The following KLRG1 variants were observed in gnomAD, a reference collection of about 807,000 sequenced individuals.
The protein encoded by KLRG1 is killer cell lectin-like receptor subfamily G member 1.
KLRG1 carries 16 observed loss-of-function variants against 21.8 expected under a neutral mutation model. That is an observed-to-expected ratio of 0.73 (90% confidence interval 0.50 to 1.11). The LOEUF (loss-of-function observed/expected upper bound fraction) is 1.11. KLRG1 is among the 50% of genes most tolerant of loss of function. The pLI is 0.00. For synonymous variants in KLRG1, 69 were observed against 75.9 expected, an observed-to-expected ratio of 0.91 and a Z score of 0.47; for missense variants, 173 against 218.3, an observed-to-expected ratio of 0.79 and a Z score of 1.31.
chr12:9,197,346 T>A, the KLRG1 span, among the ~76,000 whole-genome samples: 2 of 144,814 alleles, frequency 1.4e-5, no homozygotes, highest in South Asian at 2.1e-4. Context: ...TGGGATTGAA[T>A]ATATATATTT....
chr12:9,030,597 G>A, the KLRG1 span, among the ~76,000 whole-genome samples: 5 of 152,114 alleles, frequency 3.3e-5, no homozygotes, highest in Admixed American at 6.5e-5. Context: ...TAGTAGAGAC[G>A]GGGTTTCACT....
the KLRG1 span, among the ~76,000 whole-genome samples, chr12:9,147,943 AT>A: frequency 6.6e-6 from 1 of 151,746 alleles, no homozygotes; most frequent in African/African-American, 2.4e-5. Context: ...CCCACACTAC[AT>A]TTATCCCTGT....
the KLRG1 span, among the ~76,000 whole-genome samples, chr12:9,151,074 T>G: frequency 2.6e-5 from 4 of 152,200 alleles, no homozygotes; most frequent in Non-Finnish European, 5.9e-5. Flanking sequence ...CAACGAAGTA[T>G]TCTTTCTGTT....
chr12:9,127,765 G>A, the KLRG1 span: 3 of 174,850 alleles, frequency 1.7e-5, no homozygotes, highest in African/African-American at 7.2e-5. Flanking sequence ...AGATCACCAC[G>A]CAGAACATCC....
At chr12:9,008,948 T>C in intron 3 of KLRG1, 27 bp from the exon 4 acceptor site, 1 of 1,495,694 alleles carries the variant, frequency 6.7e-7, no homozygotes. Flanking sequence ...ACTAGGTCCC[T>C]TTTTTGGTTT....
At chr12:9,069,712 GT>G in the KLRG1 span, 5 of 1,564,868 alleles carry the variant, frequency 3.2e-6, no homozygotes, top group East Asian at 2.3e-5. Flanking sequence ...TATTATCTAC[GT>G]TTTTTTGCAA....
intron 3 of KLRG1, among the ~76,000 whole-genome samples, chr12:8,997,065 G>A (rs1947153873): frequency 6.6e-6 from 1 of 152,170 alleles, no homozygotes; most frequent in South Asian, 2.1e-4. Context: ...TTTCTCTGAG[G>A]AACCCAGAGG....
chr12:9,009,807 A>C lies in KLRG1; in HGVS notation c.*270A>C, dbSNP rs568393445. ...TTGTTTTTTGTATTTCTCAGTATGG[A>C]AACTAATGCTGCCACTCTCATCCCC... On this transcript the variant is annotated 3_prime_UTR_variant, in exon 5 of 5. Coordinates refer to ENST00000356986, the MANE Select transcript of KLRG1 (RefSeq NM_005810.4). The C allele has an allele frequency of 6.3e-6, 9 of 1,424,406 alleles. No individual in the cohort carries two copies. The African/African-American group carries it at 1.3e-4, about 21-fold the overall frequency. The allele number at this position is 1,424,406 out of a possible 1,614,324, so 88.2% of individuals were successfully genotyped here.
chr12:9,022,771 G>T, the KLRG1 span, among the ~76,000 whole-genome samples: 1 of 152,268 alleles, frequency 6.6e-6, no homozygotes, highest in East Asian at 1.9e-4. Context: ...GGATGTTGAA[G>T]GTTGAGTTGA....
the KLRG1 span, chr12:9,202,350 A>C: frequency 6.2e-7 from 1 of 1,614,132 alleles, no homozygotes; most frequent in South Asian, 1.1e-5. Flanking sequence ...ATTTTCATCC[A>C]CGGAGACAAC....
At chr12:9,206,997 T>G in the KLRG1 span, among the ~76,000 whole-genome samples, 1 of 152,044 alleles carries the variant, frequency 6.6e-6, no homozygotes, top group African/African-American at 2.4e-5. Flanking sequence ...CCCACTGCTG[T>G]AGATGAGGTA....
At chr12:9,113,362 C>G in the KLRG1 span, 1 of 1,613,088 alleles carries the variant, frequency 6.2e-7, no homozygotes, top group Non-Finnish European at 8.5e-7. Context: ...ACACTCACAG[C>G]GAAGGCGACA....
the KLRG1 span, among the ~76,000 whole-genome samples, chr12:9,114,783 C>G: frequency 6.6e-6 from 1 of 151,960 alleles, no homozygotes; most frequent in South Asian, 2.1e-4. Context: ...ACTTTAACTC[C>G]TCTTTTAAAT....
At chr12:9,172,742 A>G in the KLRG1 span, among the ~76,000 whole-genome samples, 3 of 152,302 alleles carry the variant, frequency 2.0e-5, no homozygotes, top group African/African-American at 7.2e-5. Context: ...GGTAGTATAT[A>G]ATAGTAAAGG....
At chr12:8,993,662 A>G (rs1947046136) in intron 2 of KLRG1, among the ~76,000 whole-genome samples, 1 of 152,148 alleles carries the variant, frequency 6.6e-6, no homozygotes. Flanking sequence ...ACAAAAAGGA[A>G]CTCCTAGGGA....
the KLRG1 span, chr12:9,036,695 C>A: frequency 3.8e-6 from 1 of 260,212 alleles, no homozygotes; most frequent in Non-Finnish European, 8.1e-6. Flanking sequence ...TCTTAGCAAT[C>A]ACAGGAAACA....
the KLRG1 span, among the ~76,000 whole-genome samples, chr12:9,173,692 A>G: frequency 1.3e-5 from 2 of 152,222 alleles, no homozygotes; most frequent in African/African-American, 4.8e-5. Flanking sequence ...CGCAAATACT[A>G]TAAACACCTC....
chr12:9,198,187 A>G, the KLRG1 span, among the ~76,000 whole-genome samples: 2 of 151,480 alleles, frequency 1.3e-5, no homozygotes, highest in Non-Finnish European at 2.9e-5. Context: ...AATCTCTACA[A>G]GCTTTTTAAA....
the KLRG1 span, chr12:9,111,870 C>G: frequency 3.1e-4 from 136 of 444,756 alleles, no homozygotes; most frequent in Admixed American, 4.2e-3. Flanking sequence ...GAGGATTTTT[C>G]TGTGTCTGCT....
Sources: allele counts gnomAD v4.1 joint callset (sites outside exome capture counted in the v4.1 genomes callset), GRCh38; gene constraint gnomAD v4.1.1; transcripts MANE v1.5; gene names NCBI Gene and HGNC (gene_info 2026-07-23, HGNC 2026-07-21).